PLCL1: variants seen among roughly 807,000 people sequenced by gnomAD.
The protein encoded by PLCL1 is phospholipase C like 1 (inactive), also known as inactive phospholipase C-like protein 1.
PLCL1 carries 41 observed loss-of-function variants against 84.4 expected under a neutral mutation model. The ratio of observed to expected loss-of-function variants is 0.49; its 90% CI spans 0.38 to 0.63. PLCL1 has a LOEUF of 0.63. PLCL1 is among the 30% of genes least tolerant of loss of function. PLCL1 has a pLI of 0.00. For missense variants in PLCL1, 1,206 were observed against 1,367.8 expected (o/e 0.88, Z 1.87); for synonymous variants, 490 against 488.3 (o/e 1.00, Z -0.05).
At chr2:197,985,031 G>A (rs919790180) in intron 1 of PLCL1, among the ~76,000 whole-genome samples, 2 of 151,960 alleles carry the variant, frequency 1.3e-5, no homozygotes, top group African/African-American at 2.4e-5. Context: ...TTTAATGCAA[G>A]TTTAATGAGT....
chr2:198,147,014 C>A lies in PLCL1; in HGVS notation c.*52C>A. 1.4e-6 allele frequency: 2 copies of A among 1,429,298 alleles called. No homozygotes were observed. Among genetic ancestry groups the A allele is most frequent in the Non-Finnish European group, 1.9e-6 (2 of 1,062,838 alleles). The allele number at this position is 1,429,298 out of a possible 1,614,324, so 88.5% of individuals were successfully genotyped here. On this transcript the variant is annotated 3_prime_UTR_variant, in exon 6 of 6. Coordinates refer to ENST00000428675, the MANE Select transcript of PLCL1 (RefSeq NM_006226.4). ...CATCTTATCAAGGACTCTGGTTTCTCATTCTTGTTTTCTTTCTTTAAATGT... is the reference window on the plus strand; with the variant it reads ...CATCTTATCAAGGACTCTGGTTTCTAATTCTTGTTTTCTTTCTTTAAATGT...
intron 1 of PLCL1, among the ~76,000 whole-genome samples, chr2:198,051,599 TTC>T (rs1449627122): frequency 6.6e-6 from 1 of 152,164 alleles, no homozygotes; most frequent in African/African-American, 2.4e-5. Flanking sequence ...AAAACAGCCC[TTC>T]TCTGAGTTAT....
At chr2:198,012,434 C>G (rs888769753) in intron 1 of PLCL1, among the ~76,000 whole-genome samples, 1 of 152,070 alleles carries the variant, frequency 6.6e-6, no homozygotes, top group South Asian at 2.1e-4. Flanking sequence ...TCTTGGAATT[C>G]GTTCTGCACT....
At chr2:198,082,762 C>T (rs1451197813) in intron 1 of PLCL1, among the ~76,000 whole-genome samples, 1 of 152,112 alleles carries the variant, frequency 6.6e-6, no homozygotes, top group African/African-American at 2.4e-5. Flanking sequence ...CATGAGTATT[C>T]AGGGGACTGG....
chr2:197,874,882 A>G (rs1687708006), intron 1 of PLCL1, among the ~76,000 whole-genome samples: 1 of 152,202 alleles, frequency 6.6e-6, no homozygotes. Flanking sequence ...AATAGTTTAC[A>G]TAATGAAATA....
chr2:197,950,788 T>C (rs1358751066), intron 1 of PLCL1, among the ~76,000 whole-genome samples: 1 of 152,182 alleles, frequency 6.6e-6, no homozygotes, highest in African/African-American at 2.4e-5. Context: ...ATGTGGTTTA[T>C]ATGTGGATAT....
At chr2:198,097,222 A>G (rs1559104382) in intron 3 of PLCL1, among the ~76,000 whole-genome samples, 1 of 152,182 alleles carries the variant, frequency 6.6e-6, no homozygotes, top group Non-Finnish European at 1.5e-5. Flanking sequence ...AACTTCCTTC[A>G]CATGTGGGTA....
intron 1 of PLCL1, among the ~76,000 whole-genome samples, chr2:197,895,943 GT>G (rs1386811255): frequency 5.3e-5 from 8 of 151,608 alleles, no homozygotes; most frequent in Admixed American, 3.3e-4. Context: ...ATGATGTGGG[GT>G]TTTTTTTGGT....
intron 1 of PLCL1, among the ~76,000 whole-genome samples, chr2:197,897,075 C>A (rs1688148801): frequency 6.6e-6 from 1 of 151,676 alleles, no homozygotes; most frequent in South Asian, 2.1e-4. Context: ...CATAATGATA[C>A]CTTTGGGGAT....
chr2:198,037,904 A>G (rs1452795241), intron 1 of PLCL1, among the ~76,000 whole-genome samples: 1 of 152,188 alleles, frequency 6.6e-6, no homozygotes, highest in Non-Finnish European at 1.5e-5. Flanking sequence ...AATATAAAAA[A>G]GAATTTCTAA....
chr2:197,966,457 G>C (rs1268347068), intron 1 of PLCL1, among the ~76,000 whole-genome samples: 5 of 152,140 alleles, frequency 3.3e-5, no homozygotes, highest in African/African-American at 1.2e-4. Context: ...TTCCCTTTTG[G>C]CTAGGGCTGG....
At position 198,117,327 on chromosome 2, in the gene PLCL1, GT is replaced by G. The variant is rs1216009152; in HGVS notation, c.3105+13401del. ...TATGGGTCTCTATCAGTCATTTTCT[GT>G]TTTTTTTTTCTTTTTTTTTTTCAGA... On this transcript the variant is annotated intron_variant, in intron 5 of 5. Coordinates refer to ENST00000428675, the MANE Select transcript of PLCL1 (RefSeq NM_006226.4). Among the ~76,000 whole-genome samples, 81 of 93,496 alleles carry G rather than the reference GT, an allele frequency of 8.7e-4. 1 individual carries two copies. Among genetic ancestry groups the G allele is most frequent in the African/African-American group, 2.4e-3 (72 of 30,430 alleles). 61.3% of individuals were successfully genotyped at this position (93,496 alleles called of 152,430 possible). A position where few individuals can be genotyped will look rare whatever the true frequency, so the allele number is the denominator to read the frequency against.
chr2:197,891,555 G>A (rs1688028658), intron 1 of PLCL1, among the ~76,000 whole-genome samples: 1 of 151,216 alleles, frequency 6.6e-6, no homozygotes, highest in Admixed American at 6.6e-5. Context: ...GAGCTTGACT[G>A]TCATACTGAG....
intron 1 of PLCL1, among the ~76,000 whole-genome samples, chr2:198,056,887 G>A (rs910856047): frequency 3.3e-5 from 5 of 152,114 alleles, no homozygotes; most frequent in African/African-American, 1.2e-4. Context: ...TAGCAGCAAT[G>A]GCAAAAGATG....
chr2:198,127,907 A>G (rs1235825685), intron 5 of PLCL1, among the ~76,000 whole-genome samples: 3 of 151,916 alleles, frequency 2.0e-5, no homozygotes, highest in Admixed American at 2.0e-4. Context: ...TTTACTTTTA[A>G]GTTTAGGTAG....
chr2:197,959,918 G>A (rs954700486), intron 1 of PLCL1, among the ~76,000 whole-genome samples: 2 of 151,976 alleles, frequency 1.3e-5, no homozygotes, highest in African/African-American at 2.4e-5. Flanking sequence ...TCTTGTAGGC[G>A]TTTAAGTTTT....
intron 1 of PLCL1, among the ~76,000 whole-genome samples, chr2:197,971,915 T>A (rs1689876174): frequency 6.6e-6 from 1 of 152,236 alleles, no homozygotes; most frequent in Admixed American, 6.5e-5. Context: ...TGCTAATTTT[T>A]AAAATAAAAC....
intron 1 of PLCL1, among the ~76,000 whole-genome samples, chr2:197,925,248 G>T (rs1412467869): frequency 2.0e-5 from 3 of 152,152 alleles, no homozygotes; most frequent in African/African-American, 7.2e-5. Flanking sequence ...AATTTTCAGA[G>T]TTGTGAGGGA....
intron 1 of PLCL1, among the ~76,000 whole-genome samples, chr2:197,853,329 A>C (rs1319391431): frequency 6.6e-6 from 1 of 152,224 alleles, no homozygotes; most frequent in Non-Finnish European, 1.5e-5. Flanking sequence ...ATATGAACAC[A>C]GGTGTGCAAA....
Sources: gnomAD v4.1 joint callset for allele counts (sites outside exome capture counted in the v4.1 genomes callset) on GRCh38, gnomAD v4.1.1 for gene constraint, MANE v1.5 for transcripts, NCBI Gene and HGNC (gene_info 2026-07-23, HGNC 2026-07-21) for gene names.